GOLGA6L9: variants seen among roughly 807,000 people sequenced by gnomAD.
The protein encoded by GOLGA6L9 is golgin subfamily A member 6-like protein 9.
In GOLGA6L9, 19 loss-of-function variants were observed where a neutral mutation model predicts 51.3. The ratio of observed to expected loss-of-function variants is 0.37; its 90% CI spans 0.26 to 0.54. The LOEUF is 0.54. GOLGA6L9 is among the 20% of genes least tolerant of loss of function. GOLGA6L9 has a pLI of 0.83. For missense variants in GOLGA6L9, 247 were observed against 464.1 expected (o/e 0.53, Z 4.30); for synonymous variants, 97 against 184.2 (o/e 0.53, Z 3.83).
the GOLGA6L9 span, among the ~76,000 whole-genome samples, chr15:82,424,287 G>C: frequency 2.0e-5 from 3 of 152,032 alleles, no homozygotes; most frequent in East Asian, 3.9e-4. Context: ...GGCCAGGCTA[G>C]TCTCAAACTA....
rs2031365213 is a variant in GOLGA6L9 at position 82,430,158 on chromosome 15, A to G, written c.79A>G (p.Lys27Glu). ...ACAGGGGAAATTGGCCGCAGCCAAG[A>G]AAAAGGTAAAACACACCAGGTCATG... ...TQQGKLAAAK[K>E]KLKAYWQRKS... The change falls in exon 1 of 9, where the codon AAA (lysine) becomes GAA (glutamate). Residue 27 changes from lysine to glutamate, a missense_variant. Lys to Glu is a moderately conservative substitution (Grantham distance 56). Transcript: ENST00000618348. 1 of 768,538 alleles carries G rather than the reference A, an allele frequency of 1.3e-6. No homozygotes were observed. The highest frequency in any genetic ancestry group is 3.5e-4 in the Middle Eastern group (1 of 2,844). 47.6% of individuals were successfully genotyped at this position (768,538 alleles called of 1,614,324 possible). A position where few individuals can be genotyped will look rare whatever the true frequency, so the allele number is the denominator to read the frequency against.
chr15:82,427,308 T>TCC (rs2031227324), upstream of GOLGA6L9, among the ~76,000 whole-genome samples: 1 of 88,588 alleles, frequency 1.1e-5, no homozygotes, highest in African/African-American at 8.3e-5. Context: ...CCTCCCTCCC[T>TCC]CTCTTTCTTT....
chr15:82,426,142 TAAC>T (rs2031209119), upstream of GOLGA6L9, among the ~76,000 whole-genome samples: 1 of 61,784 alleles, frequency 1.6e-5, no homozygotes. Context: ...TATTAATATA[TAAC>T]AATAGCAGCA....
Position 82,434,908 on chromosome 15 carries a change from G to A in GOLGA6L9, c.1042G>A (p.Val348Ile). The A allele has an allele frequency of 2.1e-6, 3 of 1,459,412 alleles. 1 individual carries two copies. Among genetic ancestry groups the A allele is most frequent in the Non-Finnish European group, 2.8e-6 (3 of 1,086,122 alleles). The allele number at this position is 1,459,412 out of a possible 1,614,324, so 90.4% of individuals were successfully genotyped here. A position where few individuals can be genotyped will look rare whatever the true frequency, so the allele number is the denominator to read the frequency against. Residue 348 changes from valine (V) to isoleucine (I), a missense_variant, in exon 7 of 9, where the codon GTA (valine) becomes ATA (isoleucine). By Grantham distance (29) the Val-to-Ile change is conservative. This residue lies in a region of GOLGA6L9 where 12 missense variants were observed against 89.4 expected (regional missense o/e 0.13). Coordinates refer to ENST00000618348, the MANE Select transcript of GOLGA6L9 (RefSeq NM_198181.4). ...GAGCACACTGCAGTTGGAGCAGCAA[G>A]TAAAGGAGCTGGAGAAGTCGGGTGA... ...NKSTLQLEQQ[V>I]KELEKSGGAE...
upstream of GOLGA6L9, among the ~76,000 whole-genome samples, chr15:82,427,320 CTCTT>C (rs1222191507): frequency 4.2e-5 from 6 of 141,444 alleles, no homozygotes; most frequent in East Asian, 4.4e-4. Context: ...TCTTTCTTTC[CTCTT>C]TCTTTTTCTT....
chr15:82,419,350 T>TG, the GOLGA6L9 span: 1 of 152,248 alleles, frequency 6.6e-6, no homozygotes, highest in Non-Finnish European at 1.5e-5. Context: ...ATTTTAGTGT[T>TG]TTTTTTTTTT....
chr15:82,417,520 C>T, the GOLGA6L9 span, among the ~76,000 whole-genome samples: 1 of 152,188 alleles, frequency 6.6e-6, no homozygotes, highest in Non-Finnish European at 1.5e-5. Context: ...GTTTAGATTT[C>T]AACAAACATT....
At chr15:82,419,138 C>G in the GOLGA6L9 span, 7 of 174,854 alleles carry the variant, frequency 4.0e-5, no homozygotes, top group African/African-American at 1.7e-4. Flanking sequence ...CTTAATAATG[C>G]CACATGGAAA....
chr15:82,430,223 C>T (rs1433258345), intron 1 of GOLGA6L9, 60 bp downstream of exon 1: 25 of 512,022 alleles, frequency 4.9e-5, no homozygotes, highest in South Asian at 2.7e-4. Flanking sequence ...ATGACAAGAC[C>T]GGTGCCAGAG....
At chr15:82,428,970 G>A (rs1416431843), upstream of GOLGA6L9, among the ~76,000 whole-genome samples, 1 of 152,046 alleles carries the variant, frequency 6.6e-6, no homozygotes, top group African/African-American at 2.4e-5. Flanking sequence ...GTGGCCTGGT[G>A]ATTCTAGAAA....
chr15:82,438,500 C>G lies in GOLGA6L9; in HGVS notation c.*2089C>G, dbSNP rs1595951731. 6.6e-6 allele frequency: 1 copy of G among 150,994 alleles called. No homozygotes were observed. Among genetic ancestry groups the G allele is most frequent in the South Asian group, 2.1e-4 (1 of 4,814 alleles). 9.4% of individuals were successfully genotyped at this position (150,994 alleles called of 1,614,324 possible). A position where few individuals can be genotyped will look rare whatever the true frequency, so the allele number is the denominator to read the frequency against. On this transcript the variant is annotated 3_prime_UTR_variant, in exon 9 of 9. Transcript: ENST00000618348. ...ATGCAGTCTTTTGCAGTACCTCATT[C>G]AGCCAAGTATTTGTTCTCTACCTCA...
chr15:82,427,823 TG>T (rs1454384577), upstream of GOLGA6L9, among the ~76,000 whole-genome samples: 1 of 112,152 alleles, frequency 8.9e-6, no homozygotes, highest in Non-Finnish European at 1.7e-5. Context: ...CTCCTGCTCC[TG>T]ACTGAGAGTT....
the GOLGA6L9 span, among the ~76,000 whole-genome samples, chr15:82,420,945 A>C: frequency 1.5e-5 from 2 of 134,498 alleles, no homozygotes; most frequent in East Asian, 4.3e-4. Context: ...AGTTGAGCTA[A>C]ATAGTGAAAT....
chr15:82,420,977 G>T, the GOLGA6L9 span, among the ~76,000 whole-genome samples: 4 of 129,764 alleles, frequency 3.1e-5, no homozygotes, highest in African/African-American at 1.2e-4. Flanking sequence ...CAGCCTTTAG[G>T]GCAGCTTCTG....
the GOLGA6L9 span, among the ~76,000 whole-genome samples, chr15:82,417,896 A>C: frequency 1.3e-5 from 2 of 152,260 alleles, no homozygotes; most frequent in African/African-American, 4.8e-5. Context: ...TGGCAGATTT[A>C]AGGAGTGAGA....
chr15:82,426,030 A>G (rs1381351615), upstream of GOLGA6L9, among the ~76,000 whole-genome samples: 1 of 75,698 alleles, frequency 1.3e-5, no homozygotes, highest in Admixed American at 1.7e-4. Context: ...TGTACACATG[A>G]CCTTTTTAAA....
chr15:82,427,288 CT>C (rs2031226074), upstream of GOLGA6L9, among the ~76,000 whole-genome samples: 1 of 133,312 alleles, frequency 7.5e-6, no homozygotes, highest in South Asian at 2.3e-4. Context: ...ACTTTCTTTT[CT>C]TTTCCCTCCC....
intron 4 of GOLGA6L9, 147 bp from the exon 5 acceptor site, chr15:82,433,415 T>A (rs2031501822): frequency 1.6e-6 from 1 of 631,518 alleles, no homozygotes; most frequent in African/African-American, 1.8e-5. Flanking sequence ...GTACCTGGCC[T>A]GTACATGCTC....
chr15:82,417,191 C>T, the GOLGA6L9 span, among the ~76,000 whole-genome samples: 1 of 152,202 alleles, frequency 6.6e-6, no homozygotes, highest in East Asian at 1.9e-4. Flanking sequence ...GTTTGCTGTA[C>T]AGCTTTGACA....
Sources: allele counts gnomAD v4.1 joint callset (sites outside exome capture counted in the v4.1 genomes callset), GRCh38; gene constraint gnomAD v4.1.1; regional missense constraint gnomAD v4.1.1; transcripts MANE v1.5; gene names NCBI Gene and HGNC (gene_info 2026-07-23, HGNC 2026-07-21).